HERC2: variants seen among roughly 807,000 people sequenced by gnomAD.
HERC2 encodes the protein HECT and RLD domain containing E3 ubiquitin protein ligase 2.
A neutral mutation model predicts 537.7 loss-of-function variants in HERC2; 102 were observed. The observed-to-expected ratio is 0.19, with a 90% CI of 0.16 to 0.22. HERC2 has a LOEUF of 0.22. Among genes scored for constraint, HERC2 ranks in the 10% least tolerant of loss-of-function variants. HERC2 has a pLI of 1.00. For missense variants in HERC2, 4,236 were observed against 6,198.2 expected (o/e 0.68, Z 10.63); for synonymous variants, 2,224 against 2,466.2 (o/e 0.90, Z 2.91).
Position 28,142,969 on chromosome 15 carries a change from C to T in HERC2, c.11419-17G>A. On this transcript the variant is annotated splice_polypyrimidine_tract_variant and intron_variant, in intron 74 of 92. Transcript: ENST00000261609. ...TGTAAAACTCTAAGAAACAACAGAA[C>T]AGTATTCTATCGCAGGAATCCAGGT... is the stretch of plus-strand genomic sequence containing the variant. 1 of 1,605,966 alleles carries T rather than the reference C, an allele frequency of 6.2e-7. No homozygotes were observed. Among genetic ancestry groups the T allele is most frequent in the Non-Finnish European group, 8.5e-7 (1 of 1,176,124 alleles).
chr15:28,113,008 G>A lies in HERC2; in HGVS notation c.14232+63C>T. On this transcript the variant is annotated intron_variant, in intron 92 of 92. Transcript: ENST00000261609. The surrounding 1 kb of genome is among the most constrained non-coding windows in gnomAD (Gnocchi z 7.0). ...CATGTGCTGCAGGACTGTGGGTGAGGAGCCAGCCACCCACCGTCGGCCGAC... is the reference window on the plus strand; with the variant it reads ...CATGTGCTGCAGGACTGTGGGTGAGAAGCCAGCCACCCACCGTCGGCCGAC... 11 of 1,351,202 alleles carry A rather than the reference G, an allele frequency of 8.1e-6. No homozygotes were observed. The Middle Eastern group carries it at 1.7e-3, about 213-fold the overall frequency. 83.7% of individuals were successfully genotyped at this position (1,351,202 alleles called of 1,614,324 possible).
Position 28,293,005 on chromosome 15 carries a change from T to G in HERC2, c.205A>C (p.Ser69Arg). The stretch of plus-strand genomic sequence containing the variant: ...TTCAGATCTTCTTTCTTTGTTCCAC[T>G]TGGTTCGACACTATCATCTGCAGAA... ...PPRKDDSVEP[S>R]GTKKEDLNDK... Residue 69 changes from serine to arginine, a missense_variant, in exon 4 of 93, where the codon AGT becomes CGT. Around this residue, in one of 27 missense-constraint regions of HERC2, gnomAD observed 491 missense variants for 559.3 expected, o/e 0.88. Transcript: ENST00000261609. 6.2e-7 allele frequency: 1 copy of G among 1,610,638 alleles called. No individual in the cohort carries two copies. The highest frequency in any genetic ancestry group is 1.3e-5 in the African/African-American group (1 of 74,796).
chr15:28,310,355 G>A (rs2076907823), intron 2 of HERC2, among the ~76,000 whole-genome samples: 1 of 152,162 alleles, frequency 6.6e-6, no homozygotes, highest in East Asian at 1.9e-4. Context: ...TGAGGTGGGA[G>A]AACTGCTTGA....
At chr15:28,151,317 A>G (rs1430293169) in intron 70 of HERC2, among the ~76,000 whole-genome samples, 2 of 152,154 alleles carry the variant, frequency 1.3e-5, no homozygotes, top group African/African-American at 2.4e-5. Context: ...AGGAATCAGC[A>G]TATTAGCCAG....
At chr15:28,116,592 A>T (rs1888279363) in intron 88 of HERC2, 73 bp downstream of exon 88, 1 of 1,348,530 alleles carries the variant, frequency 7.4e-7, no homozygotes, top group Non-Finnish European at 1.0e-6. Flanking sequence ...CACTCCTCAA[A>T]CAGATAGTAC....
Position 28,177,618 on chromosome 15 carries a change from A to T in HERC2, c.9164-109T>A. ...ATATAGCACACACTCAATGAGCGTG[A>T]GCTGAATAAATGAGTAACTCAACAG... On this transcript the variant is annotated intron_variant, in intron 59 of 92. Transcript: ENST00000261609. The surrounding 1 kb of genome is among the most constrained non-coding windows in gnomAD (Gnocchi z 5.0). The T allele has an allele frequency of 3.4e-6, 3 of 892,074 alleles. No individual in the cohort carries two copies. Among genetic ancestry groups the T allele is most frequent in the Non-Finnish European group, 5.5e-6 (3 of 543,366 alleles). 55.3% of individuals were successfully genotyped at this position (892,074 alleles called of 1,614,324 possible).
chr15:28,162,848 G>A lies in HERC2; in HGVS notation c.10746+246C>T, dbSNP rs541593070. On this transcript the variant is annotated intron_variant, in intron 69 of 92. Transcript: ENST00000261609. ...AGAGCTTGCAGTGAGTCGAGATGGC[G>A]CCACTGCACTCTAGCCTGGGCGACA... Among the ~76,000 whole-genome samples the A allele has an allele frequency of 4.7e-4, 72 of 152,314 alleles. 3 individuals carry two copies. In the South Asian group the frequency reaches 0.015, roughly 31 times the overall value.
chr15:28,219,745 T>G (rs1335464871), intron 37 of HERC2, among the ~76,000 whole-genome samples: 5 of 152,210 alleles, frequency 3.3e-5, no homozygotes, highest in Non-Finnish European at 7.3e-5. Context: ...CTGATGACAC[T>G]GTAGCCATGG....
At position 28,260,925 on chromosome 15, in the gene HERC2, G is replaced by A; in HGVS notation, c.2168C>T (p.Ala723Val). 3 of 1,614,144 alleles carry A rather than the reference G, an allele frequency of 1.9e-6. No homozygotes were observed. The highest frequency in any genetic ancestry group is 2.5e-6 in the Non-Finnish European group (3 of 1,180,026). Residue 723 changes from alanine (A) to valine (V), a missense_variant, in exon 16 of 93, where the codon GCT (alanine) becomes GTT (valine). By Grantham distance (64) the Ala-to-Val change is moderately conservative. This residue lies in a region of HERC2 where 754 missense variants were observed against 1,085.0 expected (regional missense o/e 0.69). Coordinates refer to ENST00000261609, the MANE Select transcript of HERC2 (RefSeq NM_004667.6). Reference sequence around the variant, plus strand: ...GTGGACCTCGCTGTCCTCAGTCAGAGCCAGGCAGTGGGTGGAGCCTGCAGC... The same window carrying A: ...GTGGACCTCGCTGTCCTCAGTCAGAACCAGGCAGTGGGTGGAGCCTGCAGC... ...DVAAGSTHCL[A>V]LTEDSEVHSW...
intron 5 of HERC2, among the ~76,000 whole-genome samples, chr15:28,276,184 T>TCAAAAAA: frequency 3.4e-5 from 2 of 59,316 alleles, no homozygotes; most frequent in Non-Finnish European, 5.5e-5. Context: ...AGACTCCATC[T>TCAAAAAA]CAAAAAACAA....
At chr15:28,121,556 C>A in intron 85 of HERC2, 127 bp from the exon 86 acceptor site, 1 of 759,800 alleles carries the variant, frequency 1.3e-6, no homozygotes, top group Non-Finnish European at 2.3e-6. Flanking sequence ...ACTGCCAGTT[C>A]CCTTTTCTCA....
chr15:28,229,781 C>T lies in HERC2; in HGVS notation c.4876G>A (p.Val1626Met), dbSNP rs866751922. ...GGAGACTGCGGATAAAGACCCTGCA[C>T]ATTCTGCTTCAACCACTTGTATTTG... is the stretch of plus-strand genomic sequence containing the variant. ...VHKYKWLKQN[V>M]QGLYPQSPLL... The change falls in exon 32 of 93, where the codon GTG (valine) becomes ATG (methionine). Residue 1626 changes from valine (V) to methionine (M), a missense_variant. Physicochemically the swap from Val to Met is conservative, Grantham distance 21. This residue lies in a region of HERC2 where 343 missense variants were observed against 417.2 expected (regional missense o/e 0.82). Transcript: ENST00000261609. The T allele has an allele frequency of 1.5e-5, 21 of 1,443,950 alleles. No individual in the cohort carries two copies. Among genetic ancestry groups the T allele is most frequent in the African/African-American group, 7.0e-5 (5 of 71,488 alleles). 89.4% of individuals were successfully genotyped at this position (1,443,950 alleles called of 1,614,324 possible). A position where few individuals can be genotyped will look rare whatever the true frequency, so the allele number is the denominator to read the frequency against.
chr15:28,250,082 A>C (rs1325683554), intron 20 of HERC2, among the ~76,000 whole-genome samples: 3 of 132,448 alleles, frequency 2.3e-5, no homozygotes, highest in African/African-American at 8.3e-5. Flanking sequence ...CCAGGAGCAC[A>C]GGTGGCTCTC....
intron 21 of HERC2, 31 bp downstream of exon 21, chr15:28,248,521 A>G: frequency 1.9e-6 from 3 of 1,567,772 alleles, no homozygotes; most frequent in African/African-American, 2.7e-5. Flanking sequence ...CCGATCACAT[A>G]CAAGACACTT....
chr15:28,210,089 G>GTC (rs1898998566), intron 44 of HERC2, among the ~76,000 whole-genome samples: 3 of 151,130 alleles, frequency 2.0e-5, no homozygotes, highest in South Asian at 4.2e-4. Flanking sequence ...AGCCTTCCAA[G>GTC]TAGCTGGGAT....
rs534564265 is a variant in HERC2 at position 28,161,944 on chromosome 15, GA to G, written c.10746+1149del. On this transcript the variant is annotated intron_variant, in intron 69 of 92. Coordinates refer to ENST00000261609, the MANE Select transcript of HERC2 (RefSeq NM_004667.6). Reference sequence around the variant, plus strand: ...TTAGGGCAACCGGTTTACCATCTAGGAAAAAAAGTAAAGTTGGATACCTACT... The same window carrying G: ...TTAGGGCAACCGGTTTACCATCTAGGAAAAAAGTAAAGTTGGATACCTACT... Among the ~76,000 whole-genome samples the G allele has an allele frequency of 4.9e-4, 74 of 152,140 alleles. No individual in the cohort carries two copies. The East Asian group carries it at 9.5e-3, about 19-fold the overall frequency.
chr15:28,272,234 T>A lies in HERC2; in HGVS notation c.1064A>T (p.His355Leu). 3 of 1,603,540 alleles carry A rather than the reference T, an allele frequency of 1.9e-6. No individual in the cohort carries two copies. The highest frequency in any genetic ancestry group is 1.1e-5 in the South Asian group (1 of 88,930). The change falls in exon 9 of 93, where the codon CAC becomes CTC. Residue 355 changes from histidine (H) to leucine (L), a missense_variant. Coordinates refer to ENST00000261609, the MANE Select transcript of HERC2 (RefSeq NM_004667.6). ...ACTCACGTGCATGTCGCCCTCGGAG[T>A]GGGGTGCATCCTTCCTGCAAATGAT... The part of the protein sequence containing the change: ...QSIICRKDAP[H>L]SEGDMHLLSG...
In HERC2 at chr15:28,270,858, C is replaced by T; in HGVS notation, c.1094G>A (p.Gly365Asp). ...HSEGDMHLLS[G>D]PLSPNESFLR... ...GAAACTCTCATTGGGGCTCAGAGGGCCAGACAAAAGCTAGAAAGGAAAAGT... is the reference window on the plus strand; with the variant it reads ...GAAACTCTCATTGGGGCTCAGAGGGTCAGACAAAAGCTAGAAAGGAAAAGT... The change falls in exon 10 of 93, where the codon GGC (glycine) becomes GAC (aspartate). Residue 365 changes from glycine (G) to aspartate (D), a missense_variant. Physicochemically the swap from Gly to Asp is moderately conservative, Grantham distance 94. Around this residue, in one of 27 missense-constraint regions of HERC2, gnomAD observed 491 missense variants for 559.3 expected, o/e 0.88. Transcript: ENST00000261609. 6.2e-7 allele frequency: 1 copy of T among 1,613,246 alleles called. No individual in the cohort carries two copies. The highest frequency in any genetic ancestry group is 1.3e-5 in the African/African-American group (1 of 74,894).
At chr15:28,118,803 A>C (rs1401613489) in intron 86 of HERC2, among the ~76,000 whole-genome samples, 1 of 152,230 alleles carries the variant, frequency 6.6e-6, no homozygotes, top group African/African-American at 2.4e-5. Context: ...TTTTAGGCAG[A>C]AAATCACTTC....
Sources: allele counts gnomAD v4.1 joint callset (sites outside exome capture counted in the v4.1 genomes callset), GRCh38; gene constraint gnomAD v4.1.1; regional missense constraint gnomAD v4.1.1; non-coding constraint Gnocchi (gnomAD v3.1); transcripts MANE v1.5; gene names NCBI Gene and HGNC (gene_info 2026-07-23, HGNC 2026-07-21).